DEF6: variants seen among roughly 807,000 people sequenced by gnomAD.
DEF6 encodes the protein DEF6 guanine nucleotide exchange factor, also known as differentially expressed in FDCP 6 homolog.
DEF6 carries 32 observed loss-of-function variants against 80.5 expected under a neutral mutation model. The observed-to-expected ratio is 0.40, with a 90% confidence interval of 0.30 to 0.53. The LOEUF (loss-of-function observed/expected upper bound fraction) is 0.53. Ranked by LOEUF, DEF6 falls within the 20% of genes least tolerant of loss-of-function variation. DEF6 has a pLI of 0.57. For synonymous variants in DEF6, 300 were observed against 337.9 expected (o/e 0.89, Z 1.23); for missense variants, 575 against 818.7 (o/e 0.70, Z 3.63).
chr6:35,305,559 T>C (rs142512179), intron 1 of DEF6, among the ~76,000 whole-genome samples: 3,005 of 152,070 alleles, frequency 0.02, 44 homozygotes, highest in Non-Finnish European at 0.032. Flanking sequence ...ATTTTTTTTT[T>C]GTGGGGGTGT....
At chr6:35,320,345 A>G (rs535166270) in intron 9 of DEF6, among the ~76,000 whole-genome samples, 1 of 152,264 alleles carries the variant, frequency 6.6e-6, no homozygotes, top group South Asian at 2.1e-4. Context: ...CTATCCTTGT[A>G]CTTTGGCTCT....
Position 35,318,198 on chromosome 6 carries a change from G to T in DEF6, c.942G>T (p.Gln314His). Residue 314 changes from glutamine to histidine, a missense_variant, in exon 7 of 11, where the codon CAG becomes CAT. Gln to His is a conservative substitution (Grantham distance 24, BLOSUM62 0). Coordinates refer to ENST00000316637, the MANE Select transcript of DEF6 (RefSeq NM_022047.4). This position sits in a 1 kb window ranked among gnomAD's most constrained non-coding sequence, Gnocchi z 5.1. ...CCATCCAGATGGCGATCCGGCTGCA[G>T]GCCGAGGGGAAGACGTCCCTACACA... is the stretch of plus-strand genomic sequence containing the variant. ...TAAIQMAIRL[Q>H]AEGKTSLHKD... The T allele has an allele frequency of 6.3e-7, 1 of 1,579,550 alleles. No individual in the cohort carries two copies. Among genetic ancestry groups the T allele is most frequent in the Admixed American group, 1.9e-5 (1 of 53,564 alleles).
Position 35,312,253 on chromosome 6 carries a change from T to G in DEF6, c.424-49T>G. 2 of 1,538,016 alleles carry G rather than the reference T, an allele frequency of 1.3e-6. No individual in the cohort carries two copies. The highest frequency in any genetic ancestry group is 1.8e-6 in the Non-Finnish European group (2 of 1,116,806). ...ATAGAGCACTCCCTGGTGTTGGTGC[T>G]GGCAACACCACCTGCTGCAGCTACC... On this transcript the variant is annotated intron_variant, in intron 3 of 10. Transcript: ENST00000316637. The surrounding 1 kb of genome is among the most constrained non-coding windows in gnomAD (Gnocchi z 6.6).
Position 35,318,440 on chromosome 6 carries a change from C to A in DEF6, c.1184C>A (p.Ala395Glu), listed in dbSNP as rs934284426. ...AGCCAGCACCGCGAGCTGCAGCAGG[C>A]GCTCGAGGGCCAACTGCGCGAGGCG... ...RRSQHRELQQ[A>E]LEGQLREAEQ... Residue 395 changes from alanine (A) to glutamate (E), a missense_variant, in exon 7 of 11, where the codon GCG becomes GAG. By Grantham distance (107) the Ala-to-Glu change is moderately radical. Transcript: ENST00000316637. The surrounding 1 kb of genome is among the most constrained non-coding windows in gnomAD (Gnocchi z 5.1). 1.5e-4 allele frequency: 216 copies of A among 1,481,824 alleles called. No individual in the cohort carries two copies. The highest frequency in any genetic ancestry group is 2.4e-4 in the Middle Eastern group (1 of 4,158). The allele number at this position is 1,481,824 out of a possible 1,614,324, so 91.8% of individuals were successfully genotyped here.
intron 5 of DEF6, among the ~76,000 whole-genome samples, chr6:35,315,517 C>A (rs1791515225): frequency 6.6e-6 from 1 of 151,964 alleles, no homozygotes; most frequent in Non-Finnish European, 1.5e-5. Flanking sequence ...GAGATTGCAC[C>A]AAATCTATAA....
chr6:35,320,092 C>T, intron 9 of DEF6, 75 bp downstream of exon 9: 1 of 1,448,194 alleles, frequency 6.9e-7, no homozygotes, highest in Non-Finnish European at 9.4e-7. Context: ...AGCCAGGCTG[C>T]CTTCCCTCAA....
rs144395191 is a variant in DEF6 at position 35,312,407 on chromosome 6, G to C, written c.529G>C (p.Gly177Arg). The stretch of plus-strand genomic sequence containing the variant: ...GGAGGCCCAGGTGGCCCAGACCACC[G>C]GGGGGCTCAGCGTCTGGCAGTTCCT... ...AQEAQVAQTT[G>R]GLSVWQFLEL... Residue 177 changes from glycine (G) to arginine (R), a missense_variant, in exon 4 of 11, where the codon GGG becomes CGG. By Grantham distance (125) the Gly-to-Arg change is moderately radical (BLOSUM62 -2). Transcript: ENST00000316637. The surrounding 1 kb of genome is among the most constrained non-coding windows in gnomAD (Gnocchi z 6.6). The C allele has an allele frequency of 6.2e-7, 1 of 1,614,104 alleles. No homozygotes were observed. Among genetic ancestry groups the C allele is most frequent in the Non-Finnish European group, 8.5e-7 (1 of 1,180,010 alleles).
At chr6:35,307,363 C>T (rs1479877200) in intron 1 of DEF6, among the ~76,000 whole-genome samples, 1 of 152,260 alleles carries the variant, frequency 6.6e-6, no homozygotes, top group Non-Finnish European at 1.5e-5. Flanking sequence ...CGCGCCACTG[C>T]GCTCTAGCCT....
At chr6:35,305,948 A>G (rs1016853123) in intron 1 of DEF6, among the ~76,000 whole-genome samples, 1 of 151,580 alleles carries the variant, frequency 6.6e-6, no homozygotes, top group Non-Finnish European at 1.5e-5. Context: ...GCTGGGGTGC[A>G]ATGGCACAAT....
intron 1 of DEF6, among the ~76,000 whole-genome samples, chr6:35,308,727 T>TAAAATAAAAA (rs1339981712): frequency 8.4e-6 from 1 of 118,524 alleles, no homozygotes; most frequent in African/African-American, 3.3e-5. Flanking sequence ...TAAAATAAAA[T>TAAAATAAAAA]AAATAAAATA....
intron 5 of DEF6, chr6:35,317,625 A>G (rs1582233887): frequency 2.5e-6 from 1 of 392,900 alleles, no homozygotes; most frequent in South Asian, 3.4e-5. Context: ...CTGCATAAAC[A>G]CTGAGTGGCG....
In DEF6 at chr6:35,321,314, C is replaced by T. The variant is rs1370046887; in HGVS notation, c.1800C>T (p.Ser600=). ...GCAACAGGACCCCCTCGCCCAACAG[C>T]AATGAGCAGCAGAAGTCCCTCAATG... ...SQGNRTPSPN[S]NEQQKSLNGG... Residue 600 remains serine, a synonymous_variant, in exon 11 of 11, where the codon AGC becomes AGT. Coordinates refer to ENST00000316637, the MANE Select transcript of DEF6 (RefSeq NM_022047.4). 6.8e-6 allele frequency: 11 copies of T among 1,614,162 alleles called. No individual in the cohort carries two copies. Among genetic ancestry groups the T allele is most frequent in the Non-Finnish European group, 8.5e-6 (10 of 1,180,014 alleles).
At position 35,320,997 on chromosome 6, in the gene DEF6, G is replaced by T. The variant is rs1273420435; in HGVS notation, c.1672+23G>T. The T allele has an allele frequency of 1.9e-6, 3 of 1,610,394 alleles. No individual in the cohort carries two copies. The African/African-American group carries it at 4.0e-5, about 22-fold the overall frequency. ...GAGGTGAGAAGGAATAGACTCTGGA[G>T]CTTTCCCTGGAGCTGGGAGGGAGAA... is the stretch of plus-strand genomic sequence containing the variant. On this transcript the variant is annotated intron_variant, in intron 10 of 10. Coordinates refer to ENST00000316637, the MANE Select transcript of DEF6 (RefSeq NM_022047.4).
Position 35,321,226 on chromosome 6 carries a change from A to G in DEF6, c.1712A>G (p.Gln571Arg). 6.2e-7 allele frequency: 1 copy of G among 1,612,736 alleles called. No individual in the cohort carries two copies. Among genetic ancestry groups the G allele is most frequent in the Non-Finnish European group, 8.5e-7 (1 of 1,179,858 alleles). ...PVTSSSFSGF[Q>R]PPLLAHRDSS... ...ACCAGCAGCTCCTTCTCAGGCTTCCAGCCCCCTCTGCTTGCCCACCGTGAC... is the reference window on the plus strand; with the variant it reads ...ACCAGCAGCTCCTTCTCAGGCTTCCGGCCCCCTCTGCTTGCCCACCGTGAC... The change falls in exon 11 of 11, where the codon CAG (glutamine) becomes CGG (arginine). Residue 571 changes from glutamine to arginine, a missense_variant. Transcript: ENST00000316637.
At chr6:35,299,988 G>A (rs1791294071) in intron 1 of DEF6, among the ~76,000 whole-genome samples, 1 of 152,130 alleles carries the variant, frequency 6.6e-6, no homozygotes, top group Admixed American at 6.5e-5. Context: ...GAAAAGACTT[G>A]GGGATGAGGG....
chr6:35,310,651 G>T lies in DEF6; in HGVS notation c.423+7G>T, dbSNP rs767466397. The T allele has an allele frequency of 1.7e-5, 27 of 1,614,006 alleles. No homozygotes were observed. The highest frequency in any genetic ancestry group is 3.3e-4 in the Middle Eastern group (2 of 6,084). Reference sequence around the variant, plus strand: ...GATCATGGTTCCTGATGAGGTGAGGGTGATGGCAGCCCCAGGGACTGAATC... The same window carrying T: ...GATCATGGTTCCTGATGAGGTGAGGTTGATGGCAGCCCCAGGGACTGAATC... On this transcript the variant is annotated splice_region_variant and intron_variant, in intron 3 of 10. Coordinates refer to ENST00000316637, the MANE Select transcript of DEF6 (RefSeq NM_022047.4).
At chr6:35,309,880 C>A in intron 2 of DEF6, 70 bp downstream of exon 2, 2 of 1,560,074 alleles carry the variant, frequency 1.3e-6, no homozygotes, top group Non-Finnish European at 8.8e-7. Flanking sequence ...CAGCCTAATA[C>A]CTTGCCACTC....
chr6:35,317,736 T>G, intron 5 of DEF6, 155 bp from the exon 6 acceptor site: 117 of 502,448 alleles, frequency 2.3e-4, no homozygotes, highest in Middle Eastern at 5.7e-4. Flanking sequence ...AAGTCCCCCA[T>G]AACTTATGAT....
chr6:35,307,881 G>A (rs1421208350), intron 1 of DEF6, among the ~76,000 whole-genome samples: 2 of 152,296 alleles, frequency 1.3e-5, no homozygotes, highest in East Asian at 3.9e-4. Context: ...CACCATCTCC[G>A]AGACAGTGCT....
Sources: gnomAD v4.1 joint callset for allele counts (sites outside exome capture counted in the v4.1 genomes callset) on GRCh38, gnomAD v4.1.1 for gene constraint, Gnocchi (gnomAD v3.1) non-coding constraint, MANE v1.5 for transcripts, NCBI Gene and HGNC (gene_info 2026-07-23, HGNC 2026-07-21) for gene names.